Variants in PDGFRA observed in about 807,000 individuals in gnomAD.
PDGFRA encodes the protein platelet-derived growth factor receptor alpha.
In PDGFRA, 25 loss-of-function variants were observed where a neutral mutation model predicts 121.5. The ratio of observed to expected loss-of-function variants is 0.21; its 90% CI spans 0.15 to 0.29. The LOEUF is 0.29. Among genes scored for constraint, PDGFRA ranks in the 10% least tolerant of loss-of-function variants. The pLI, the probability that PDGFRA is intolerant of heterozygous loss-of-function variation, is 1.00. For synonymous variants in PDGFRA, 463 were observed against 494.8 expected (o/e 0.94, Z 0.85); for missense variants, 1,008 against 1,345.1 (o/e 0.75, Z 3.92).
intron 1 of PDGFRA, among the ~76,000 whole-genome samples, chr4:54,245,090 G>C (rs1197655774): frequency 1.3e-5 from 2 of 152,234 alleles, no homozygotes; most frequent in Admixed American, 6.5e-5. Flanking sequence ...ATCTACGTCT[G>C]ATTGGTGTAC....
chr4:54,262,161 C>T (rs1722783523), intron 3 of PDGFRA, among the ~76,000 whole-genome samples: 2 of 151,866 alleles, frequency 1.3e-5, no homozygotes, highest in African/African-American at 4.8e-5. Flanking sequence ...AACTCCTGAC[C>T]TTAAGTGATC....
At position 54,295,182 on chromosome 4, in the gene PDGFRA, CAA is replaced by C; in HGVS notation, c.3181_3182del (p.Lys1061GlufsTer7). On this transcript the variant is annotated frameshift_variant, in exon 23 of 23. Transcript: ENST00000257290. LOFTEE classifies it high-confidence loss of function. ...ETGSSSSTFIKREDETIEDID... is the reference protein window; with the variant it reads ...ETGSSSSTFIXREDETIEDID... ...CGGGTTCCAGCAGTTCCACCTTCAT[CAA>C]GAGAGAGGACGAGACCATTGAAGAC... The C allele has an allele frequency of 6.2e-7, 1 of 1,613,872 alleles. No homozygotes were observed. The highest frequency in any genetic ancestry group is 1.3e-5 in the African/African-American group (1 of 75,030).
At position 54,285,321 on chromosome 4, in the gene PDGFRA, T is replaced by C. The variant is rs774125648; in HGVS notation, c.2324-50T>C. ...CTTTGGGCATGCCTCTGCAACCTGA[T>C]GATTTCCTGCTGCCTGCCAGCACCA... On this transcript the variant is annotated intron_variant, in intron 16 of 22. Transcript: ENST00000257290. The C allele has an allele frequency of 1.5e-4, 121 of 809,906 alleles. No homozygotes were observed. The East Asian group carries it at 2.9e-3, about 19-fold the overall frequency. The allele number at this position is 809,906 out of a possible 1,614,324, so 50.2% of individuals were successfully genotyped here. A position where few individuals can be genotyped will look rare whatever the true frequency, so the allele number is the denominator to read the frequency against.
At position 54,231,948 on chromosome 4, in the gene PDGFRA, C is replaced by G. The variant is rs188700600; in HGVS notation, c.-13+2533C>G. Among the ~76,000 whole-genome samples, 7 of 152,356 alleles carry G rather than the reference C, an allele frequency of 4.6e-5. No individual in the cohort carries two copies. In the South Asian group the frequency reaches 1.2e-3, roughly 27 times the overall value. On this transcript the variant is annotated intron_variant, in intron 1 of 22. Transcript: ENST00000257290. ...GGGCCGGGCTTTCCAGCTGCAAACA[C>G]GTCTGGCGCCGAGGCGGGCCCATTT...
chr4:54,237,323 G>GT (rs1294988673), intron 1 of PDGFRA, among the ~76,000 whole-genome samples: 1 of 152,188 alleles, frequency 6.6e-6, no homozygotes, highest in Non-Finnish European at 1.5e-5. Context: ...AGGGTCCACT[G>GT]TATCTGGAGG....
intron 1 of PDGFRA, among the ~76,000 whole-genome samples, chr4:54,245,645 A>G (rs1560454199): frequency 6.6e-6 from 1 of 152,036 alleles, no homozygotes; most frequent in Non-Finnish European, 1.5e-5. Flanking sequence ...CTAGGAAGAA[A>G]CTGCATCAAC....
rs779726497 is a variant in PDGFRA, at chr4:54,261,347, A to G, written c.302A>G (p.Tyr101Cys). Residue 101 changes from tyrosine (Y) to cysteine (C), a missense_variant, in exon 3 of 23, where the codon TAT (tyrosine) becomes TGT (cysteine). Around this residue, in one of 5 missense-constraint regions of PDGFRA, gnomAD observed 575 missense variants for 701.8 expected, o/e 0.82. Coordinates refer to ENST00000257290, the MANE Select transcript of PDGFRA (RefSeq NM_006206.6). Reference sequence around the variant, plus strand: ...GCCCACACAGGGTTGTACACTTGCTATTACAACCACACTCAGACAGAAGAG... The same window carrying G: ...GCCCACACAGGGTTGTACACTTGCTGTTACAACCACACTCAGACAGAAGAG... Reference protein sequence around the residue: ...SAAHTGLYTCYYNHTQTEENE... With the variant: ...SAAHTGLYTCCYNHTQTEENE... 5 of 1,614,042 alleles carry G rather than the reference A, an allele frequency of 3.1e-6. No homozygotes were observed. The highest frequency in any genetic ancestry group is 1.1e-5 in the South Asian group (1 of 91,080).
In PDGFRA at chr4:54,264,980, G is replaced by T. The variant is rs1388959162; in HGVS notation, c.690G>T (p.Thr230=). 1 of 1,612,980 alleles carries T rather than the reference G, an allele frequency of 6.2e-7. No homozygotes were observed. Among genetic ancestry groups the T allele is most frequent in the Non-Finnish European group, 8.5e-7 (1 of 1,179,054 alleles). The change falls in exon 5 of 23, where the codon ACG becomes ACT. Residue 230 remains threonine, a synonymous_variant. Coordinates refer to ENST00000257290, the MANE Select transcript of PDGFRA (RefSeq NM_006206.6). ...ALKTVYKSGE[T]IVVTCAVFNN... ...AAACCGTGTATAAGTCAGGGGAAAC[G>T]ATTGTGGTCACCTGTGCTGTTTTTA...
At chr4:54,234,981 T>G (rs1577667874) in intron 1 of PDGFRA, among the ~76,000 whole-genome samples, 2 of 152,278 alleles carry the variant, frequency 1.3e-5, no homozygotes, top group East Asian at 3.9e-4. Context: ...GAATGTCTGA[T>G]GGAGCTCCGG....
chr4:54,262,764 A>T (rs1722820748), intron 3 of PDGFRA, among the ~76,000 whole-genome samples: 2 of 152,214 alleles, frequency 1.3e-5, no homozygotes, highest in Admixed American at 1.3e-4. Flanking sequence ...CCTTCAGGAA[A>T]ATCCTCTAGG....
chr4:54,229,515 GAA>G (rs565335773), intron 1 of PDGFRA, 100 bp downstream of exon 1: 153 of 319,746 alleles, frequency 4.8e-4, no homozygotes, highest in East Asian at 9.0e-4. Context: ...TGGGCGACAA[GAA>G]AAAAAAAAAG....
chr4:54,277,855 G>A (rs2110310419), intron 13 of PDGFRA, 41 bp from the exon 14 acceptor site: 1 of 1,300,746 alleles, frequency 7.7e-7, no homozygotes, highest in East Asian at 2.3e-5. Context: ...CAGGAAGTTG[G>A]TAGCTCAGCT....
chr4:54,282,936 C>T (rs1360758618), intron 16 of PDGFRA, among the ~76,000 whole-genome samples: 1 of 152,216 alleles, frequency 6.6e-6, no homozygotes, highest in Non-Finnish European at 1.5e-5. Flanking sequence ...TCCAAATAAA[C>T]TCCATTGACT....
intron 1 of PDGFRA, among the ~76,000 whole-genome samples, chr4:54,258,280 C>T (rs2110233735): frequency 6.6e-6 from 1 of 152,160 alleles, no homozygotes; most frequent in East Asian, 1.9e-4. Flanking sequence ...ACAAAGGCCT[C>T]CTGTAAATGA....
chr4:54,250,762 A>G (rs1031264374), intron 1 of PDGFRA, among the ~76,000 whole-genome samples: 1 of 152,126 alleles, frequency 6.6e-6, no homozygotes, highest in Non-Finnish European at 1.5e-5. Context: ...AGCCTCTGAT[A>G]ACTTTGAAAA....
intron 1 of PDGFRA, among the ~76,000 whole-genome samples, chr4:54,232,172 G>T (rs916568425): frequency 6.6e-6 from 1 of 152,232 alleles, no homozygotes; most frequent in Non-Finnish European, 1.5e-5. Flanking sequence ...TGACCGAAAG[G>T]TGTGGGTCTC....
intron 1 of PDGFRA, among the ~76,000 whole-genome samples, chr4:54,253,912 T>C (rs1253664652): frequency 6.6e-6 from 1 of 152,178 alleles, no homozygotes; most frequent in Non-Finnish European, 1.5e-5. Context: ...CTTGAACTCC[T>C]GACCTCAAGT....
At chr4:54,246,515 C>T (rs958622399) in intron 1 of PDGFRA, among the ~76,000 whole-genome samples, 4 of 152,052 alleles carry the variant, frequency 2.6e-5, no homozygotes, top group Non-Finnish European at 4.4e-5. Context: ...TTCTTTGAAC[C>T]GACGAGAACA....
chr4:54,289,036 C>G lies in PDGFRA; in HGVS notation c.2802C>G (p.Asn934Lys). The change falls in exon 21 of 23, where the codon AAC (asparagine) becomes AAG (lysine). Residue 934 changes from asparagine (N) to lysine (K), a missense_variant. Physicochemically the swap from Asn to Lys is moderately conservative, Grantham distance 94 (BLOSUM62 0). Transcript: ENST00000257290. ...EVYEIMVKCWNSEPEKRPSFY... is the reference protein window; with the variant it reads ...EVYEIMVKCWKSEPEKRPSFY... ...ACGAGATCATGGTGAAATGCTGGAA[C>G]AGTGAGCCGGAGAAGAGACCCTCCT... 6.2e-7 allele frequency: 1 copy of G among 1,611,000 alleles called. No individual in the cohort carries two copies. The highest frequency in any genetic ancestry group is 8.5e-7 in the Non-Finnish European group (1 of 1,177,214).
Sources: gnomAD v4.1 joint callset for allele counts (sites outside exome capture counted in the v4.1 genomes callset) on GRCh38, gnomAD v4.1.1 for gene constraint, gnomAD v4.1.1 regional missense constraint, MANE v1.5 for transcripts, NCBI Gene and HGNC (gene_info 2026-07-23, HGNC 2026-07-21) for gene names.